The following PCLO variants were observed in gnomAD, a reference collection of about 807,000 sequenced individuals.
PCLO encodes the protein protein piccolo.
In PCLO, 82 loss-of-function variants were observed where a neutral mutation model predicts 427.5. That is an observed-to-expected ratio of 0.19 (90% CI 0.16 to 0.23). The LOEUF is 0.23. Ranked by LOEUF, PCLO falls within the 10% of genes least tolerant of loss-of-function variation. The pLI, the probability that PCLO is intolerant of heterozygous loss-of-function variation, is 1.00. For synonymous variants in PCLO, 2,357 were observed against 2,155.4 expected, an observed-to-expected ratio of 1.09 and a Z score of -2.59; for missense variants, 6,239 against 6,115.9, an observed-to-expected ratio of 1.02 and a Z score of -0.67.
rs762277050 is a variant in PCLO, at chr7:82,915,318, C to T, written c.12668G>A (p.Ser4223Asn). The change falls in exon 7 of 25, where the codon AGC becomes AAC. Residue 4223 changes from serine to asparagine, a missense_variant. By Grantham distance (46) the Ser-to-Asn change is conservative. Coordinates refer to ENST00000333891, the MANE Select transcript of PCLO (RefSeq NM_033026.6). ...GGAAATGCCACCAATAGATGAAGTG[C>T]TAGAAGTCATATAGCTTGAATAATC... The part of the protein sequence containing the change: ...EPDYSSYMTS[S>N]TSSIGGISSR... 2.0e-5 allele frequency: 33 copies of T among 1,613,458 alleles called. No homozygotes were observed. The highest frequency in any genetic ancestry group is 2.1e-5 in the Non-Finnish European group (25 of 1,179,700).
At chr7:82,823,027 G>A (rs1350990798) in intron 19 of PCLO, among the ~76,000 whole-genome samples, 2 of 152,094 alleles carry the variant, frequency 1.3e-5, no homozygotes, top group East Asian at 3.9e-4. Context: ...CACAGGAGGA[G>A]TTTTAAGCAA....
Position 82,953,965 on chromosome 7 carries a change from G to C in PCLO, c.6988C>G (p.Arg2330Gly), listed in dbSNP as rs929029668. Residue 2330 changes from arginine to glycine, a missense_variant, in exon 5 of 25, where the codon CGA becomes GGA. Transcript: ENST00000333891. Reference sequence around the variant, plus strand: ...GTTTCGGATAAGCTACTTTTTGTTCGTTCGGCCTCCAACTCCTTTTTATCT... The same window carrying C: ...GTTTCGGATAAGCTACTTTTTGTTCCTTCGGCCTCCAACTCCTTTTTATCT... ...YRDKKELEAE[R>G]TKSSLSETVF... 7.4e-6 allele frequency: 12 copies of C among 1,613,744 alleles called. No homozygotes were observed. The highest frequency in any genetic ancestry group is 1.0e-5 in the Non-Finnish European group (12 of 1,179,844).
intron 18 of PCLO, among the ~76,000 whole-genome samples, chr7:82,825,966 T>C (rs1282195702): frequency 1.3e-5 from 2 of 149,518 alleles, no homozygotes; most frequent in Non-Finnish European, 3.0e-5. Context: ...ATATAATAGA[T>C]TAAAAATCAC....
At chr7:82,805,874 C>G (rs1374764637) in intron 20 of PCLO, 45 bp from the exon 21 acceptor site, 9 of 1,555,100 alleles carry the variant, frequency 5.8e-6, no homozygotes, top group Non-Finnish European at 7.9e-6. Context: ...ATAAATGAAG[C>G]TGACATTGAT....
chr7:82,853,795 T>C (rs1792730138), intron 10 of PCLO, among the ~76,000 whole-genome samples: 2 of 152,130 alleles, frequency 1.3e-5, no homozygotes, highest in Admixed American at 6.6e-5. Context: ...CTTGAGCAAG[T>C]TGGTTAATCC....
intron 3 of PCLO, among the ~76,000 whole-genome samples, chr7:83,069,832 C>T (rs1407201604): frequency 7.5e-6 from 1 of 133,792 alleles, no homozygotes; most frequent in Non-Finnish European, 1.6e-5. Flanking sequence ...CACACAAAGA[C>T]TGATGATATA....
intron 3 of PCLO, among the ~76,000 whole-genome samples, chr7:82,974,913 G>C (rs193175493): frequency 6.6e-6 from 1 of 152,010 alleles, no homozygotes; most frequent in Non-Finnish European, 1.5e-5. Flanking sequence ...GGAGTAGCTG[G>C]GACTACAGGT....
intron 3 of PCLO, among the ~76,000 whole-genome samples, chr7:82,991,137 G>T (rs570231430): frequency 2.0e-5 from 3 of 152,090 alleles, no homozygotes; most frequent in Non-Finnish European, 2.9e-5. Context: ...GGGATAAAAT[G>T]TCAATTAGCT....
intron 22 of PCLO, among the ~76,000 whole-genome samples, chr7:82,779,377 T>C (rs1304174599): frequency 1.3e-5 from 2 of 152,158 alleles, no homozygotes; most frequent in Admixed American, 1.3e-4. Context: ...TTCTGTGAGA[T>C]CCAACTTTAG....
intron 6 of PCLO, among the ~76,000 whole-genome samples, chr7:82,918,801 G>A (rs571564845): frequency 2.6e-5 from 4 of 152,056 alleles, no homozygotes; most frequent in South Asian, 2.1e-4. Context: ...TGTTACTCAC[G>A]ACCGTGATGC....
At chr7:83,035,226 T>C (rs1562931444) in intron 3 of PCLO, among the ~76,000 whole-genome samples, 1 of 152,162 alleles carries the variant, frequency 6.6e-6, no homozygotes, top group Non-Finnish European at 1.5e-5. Flanking sequence ...CTATTGTTTA[T>C]GAAACACCCA....
intron 21 of PCLO, among the ~76,000 whole-genome samples, chr7:82,803,547 A>G (rs1160952855): frequency 6.6e-6 from 1 of 152,166 alleles, no homozygotes; most frequent in Non-Finnish European, 1.5e-5. Flanking sequence ...TGAAGATTAT[A>G]CAAAAAACTT....
At chr7:83,062,684 TA>T (rs1401074718) in intron 3 of PCLO, among the ~76,000 whole-genome samples, 2 of 152,164 alleles carry the variant, frequency 1.3e-5, no homozygotes, top group Non-Finnish European at 2.9e-5. Flanking sequence ...ATTCAACTTC[TA>T]CTTCTCTGTT....
At chr7:83,044,467 T>G (rs1302702687) in intron 3 of PCLO, among the ~76,000 whole-genome samples, 2 of 152,176 alleles carry the variant, frequency 1.3e-5, no homozygotes, top group African/African-American at 2.4e-5. Context: ...TAACTGGTTG[T>G]TTGAGTGGTT....
At chr7:82,820,459 T>C (rs1250946019) in intron 20 of PCLO, 2 of 1,139,868 alleles carry the variant, frequency 1.8e-6, no homozygotes, top group African/African-American at 1.6e-5. Context: ...CATATAACAA[T>C]GGCTCAGAAC....
rs1292704071 is a variant in PCLO at position 83,135,476 on chromosome 7, G to T, written c.2074C>A (p.Gln692Lys). The change falls in exon 3 of 25, where the codon CAG becomes AAG. Residue 692 changes from glutamine to lysine, a missense_variant. Gln to Lys is a moderately conservative substitution (Grantham distance 53, BLOSUM62 1). This residue lies in a region of PCLO where 4,677 missense variants were observed against 4,468.4 expected (regional missense o/e 1.05). Transcript: ENST00000333891. ...GGCTCAGGTGCCTTGGAGAGATCCTGTTTTGGTGCAGCATCCTTCTTTGGG... is the reference window on the plus strand; with the variant it reads ...GGCTCAGGTGCCTTGGAGAGATCCTTTTTTGGTGCAGCATCCTTCTTTGGG... The part of the protein sequence containing the change: ...TSPKKDAAPK[Q>K]DLSKAPEPKK... The T allele has an allele frequency of 6.2e-7, 1 of 1,613,804 alleles. No individual in the cohort carries two copies. The highest frequency in any genetic ancestry group is 1.1e-5 in the South Asian group (1 of 91,068).
At position 82,929,326 on chromosome 7, in the gene PCLO, G is replaced by A. The variant is rs866761223; in HGVS notation, c.11113-12453C>T. Among the ~76,000 whole-genome samples the A allele has an allele frequency of 3.9e-5, 6 of 152,042 alleles. No individual in the cohort carries two copies. The South Asian group carries it at 1.2e-3, about 32-fold the overall frequency. The stretch of plus-strand genomic sequence containing the variant: ...TATTAGAGAGGAACTATTAATTCCA[G>A]GTTTCAGATACTGAAATATAGAGGC... On this transcript the variant is annotated intron_variant, in intron 6 of 24. Transcript: ENST00000333891.
At chr7:83,160,250 T>C (rs1792400357) in intron 1 of PCLO, among the ~76,000 whole-genome samples, 3 of 152,152 alleles carry the variant, frequency 2.0e-5, no homozygotes, top group Admixed American at 6.5e-5. Context: ...TGAGAAGTAT[T>C]TGTAATTTGC....
chr7:82,969,306 A>G (rs1795850898), intron 3 of PCLO, among the ~76,000 whole-genome samples: 1 of 152,158 alleles, frequency 6.6e-6, no homozygotes. Flanking sequence ...GTAAACCTAT[A>G]AAGTGGTGAT....
Sources: allele counts gnomAD v4.1 joint callset (sites outside exome capture counted in the v4.1 genomes callset), GRCh38; gene constraint gnomAD v4.1.1; regional missense constraint gnomAD v4.1.1; transcripts MANE v1.5; gene names NCBI Gene and HGNC (gene_info 2026-07-23, HGNC 2026-07-21).